The following FIBCD1 variants were observed in gnomAD, a reference collection of about 807,000 sequenced individuals.
The protein encoded by FIBCD1 is fibrinogen C domain-containing protein 1.
FIBCD1 carries 47 observed loss-of-function variants against 45.1 expected under a neutral mutation model. The ratio of observed to expected loss-of-function variants is 1.04; its 90% confidence interval spans 0.82 to 1.33. The LOEUF (loss-of-function observed/expected upper bound fraction) is 1.33, where lower values mean the gene tolerates loss of function less well. Ranked by LOEUF, FIBCD1 falls within the 40% of genes most tolerant of loss-of-function variation. The probability of loss-of-function intolerance (pLI) is 0.00; values close to 1 mark genes in which losing one functional copy is unlikely to be tolerated. For synonymous variants in FIBCD1, 313 were observed against 308.1 expected (o/e 1.02, Z -0.17); for missense variants, 653 against 682.2 (o/e 0.96, Z 0.48).
chr9:130,904,244 G>T lies in FIBCD1; in HGVS notation c.1206C>A (p.Ala402=). 1 of 1,613,752 alleles carries T rather than the reference G, an allele frequency of 6.2e-7. No individual in the cohort carries two copies. Among genetic ancestry groups the T allele is most frequent in the Non-Finnish European group, 8.5e-7 (1 of 1,180,000 alleles). ...ACCACCAGGCACCGCGGTAGAAGGC[G>T]GCACAGTTGTTCTCTGAATGGTCGC... ...RDSDHSENNC[A]AFYRGAWWYR... is the part of the protein sequence containing the mutation. The change falls in exon 7 of 7, where the codon GCC becomes GCA. Residue 402 remains alanine (A), a synonymous_variant. Coordinates refer to ENST00000372338, the MANE Select transcript of FIBCD1 (RefSeq NM_032843.5).
In FIBCD1 at chr9:130,910,513, C is replaced by T. The variant is rs567294864; in HGVS notation, c.946+1279G>A. On this transcript the variant is annotated intron_variant, in intron 5 of 6. Coordinates refer to ENST00000372338, the MANE Select transcript of FIBCD1 (RefSeq NM_032843.5). ...CCAAGGGCTGAGGAGTGCAGGCACA[C>T]GGCGCGGGACTGGCAGGCAGCTCCA... is the stretch of plus-strand genomic sequence containing the variant. Among the ~76,000 whole-genome samples, 8 of 152,360 alleles carry T rather than the reference C, an allele frequency of 5.3e-5. No individual in the cohort carries two copies. In the East Asian group the frequency reaches 1.2e-3, roughly 22 times the overall value.
Position 130,903,506 on chromosome 9 carries a change from G to GC in FIBCD1, c.*557dup, listed in dbSNP as rs1332394130. On this transcript the variant is annotated 3_prime_UTR_variant, in exon 7 of 7. Transcript: ENST00000372338. ...GGGCCTGGTAGGATGGGGCCACCCA[G>GC]CCCACAGCCAGGCTGAGGCCCTTGG... The GC allele has an allele frequency of 1.1e-5, 2 of 189,982 alleles. No homozygotes were observed. Among genetic ancestry groups the GC allele is most frequent in the African/African-American group, 2.3e-5 (1 of 42,702 alleles). The allele number at this position is 189,982 out of a possible 1,614,324, so 11.8% of individuals were successfully genotyped here.
In FIBCD1 at chr9:130,929,866, C is replaced by G. The variant is rs974525199; in HGVS notation, c.253G>C (p.Ala85Pro). ...AGGATGCTGAGGTGCGAGCTGTCCG[C>G]CCTTTCCACAGTGACCAGGGCGCTG... ...ANSALVTVERADSSHLSILID... is the reference protein window; with the variant it reads ...ANSALVTVERPDSSHLSILID... The change falls in exon 2 of 7, where the codon GCG (alanine) becomes CCG (proline). Residue 85 changes from alanine (A) to proline (P), a missense_variant. By Grantham distance (27) the Ala-to-Pro change is conservative. Coordinates refer to ENST00000372338, the MANE Select transcript of FIBCD1 (RefSeq NM_032843.5). 6.5e-7 allele frequency: 1 copy of G among 1,549,740 alleles called. No individual in the cohort carries two copies. Among genetic ancestry groups the G allele is most frequent in the South Asian group, 1.2e-5 (1 of 84,054 alleles).
At chr9:130,925,583 T>G (rs2133109737) in intron 2 of FIBCD1, among the ~76,000 whole-genome samples, 1 of 152,312 alleles carries the variant, frequency 6.6e-6, no homozygotes, top group Middle Eastern at 3.4e-3. Flanking sequence ...GAGCCTGGGC[T>G]GGGGAGCTCA....
rs1832362411 is a variant in FIBCD1 at position 130,926,530 on chromosome 9, G to A, written c.553-2134C>T. ...CTCAGTCTGCCTCTCCATAAAATGGGATAACAAGGCCGGGTGTGGTGGCTC... is the reference window on the plus strand; with the variant it reads ...CTCAGTCTGCCTCTCCATAAAATGGAATAACAAGGCCGGGTGTGGTGGCTC... On this transcript the variant is annotated intron_variant, in intron 2 of 6. Coordinates refer to ENST00000372338, the MANE Select transcript of FIBCD1 (RefSeq NM_032843.5). The surrounding 1 kb of genome is among the most constrained non-coding windows in gnomAD (Gnocchi z 4.1). Among the ~76,000 whole-genome samples the A allele has an allele frequency of 6.6e-6, 1 of 152,160 alleles. No individual in the cohort carries two copies. The highest frequency in any genetic ancestry group is 1.5e-5 in the Non-Finnish European group (1 of 68,028).
chr9:130,915,683 T>C (rs1181621911), intron 4 of FIBCD1, among the ~76,000 whole-genome samples: 1 of 152,034 alleles, frequency 6.6e-6, no homozygotes, highest in African/African-American at 2.4e-5. Context: ...ACCTGAGTGA[T>C]AAGAGCGAGA....
At chr9:130,933,534 G>T (rs1832471994) in intron 1 of FIBCD1, among the ~76,000 whole-genome samples, 1 of 152,218 alleles carries the variant, frequency 6.6e-6, no homozygotes. Context: ...ACCCAGCTTG[G>T]TTCCTCGAGT....
At chr9:130,932,283 G>A (rs188738368) in intron 1 of FIBCD1, among the ~76,000 whole-genome samples, 4 of 152,306 alleles carry the variant, frequency 2.6e-5, no homozygotes, top group East Asian at 3.9e-4. Context: ...CGAAGAGGAC[G>A]GGGTGGAGGG....
At chr9:130,911,701 A>AT (rs1334261913) in intron 5 of FIBCD1, 91 bp downstream of exon 5, 1 of 1,221,004 alleles carries the variant, frequency 8.2e-7, no homozygotes, top group African/African-American at 1.5e-5. Flanking sequence ...AACCCAGCCC[A>AT]AACCCATTCA....
At chr9:130,909,946 T>TG (rs1319777711) in intron 5 of FIBCD1, among the ~76,000 whole-genome samples, 1 of 152,034 alleles carries the variant, frequency 6.6e-6, no homozygotes, top group East Asian at 1.9e-4. Context: ...TGGTGAGAGG[T>TG]GACAGCGTGC....
rs1018039603 is a variant in FIBCD1 at position 130,909,989 on chromosome 9, C to G, written c.946+1803G>C. 5.3e-5 allele frequency among the ~76,000 whole-genome samples: 8 copies of G among 152,350 alleles called. No individual in the cohort carries two copies. The East Asian group carries it at 1.2e-3, about 22-fold the overall frequency. ...CCTCACAGCCCTCCCTCGCTCTCGG[C>G]GCCTCCTCTGCGTGGGCTCCCACTT... On this transcript the variant is annotated intron_variant, in intron 5 of 6. Transcript: ENST00000372338.
intron 5 of FIBCD1, among the ~76,000 whole-genome samples, chr9:130,909,866 CCAGG>C (rs1832004087): frequency 6.6e-6 from 1 of 152,076 alleles, no homozygotes; most frequent in Non-Finnish European, 1.5e-5. Context: ...CTACTTTGTG[CCAGG>C]CAGGGACTGT....
chr9:130,940,183 G>A (rs1014714159), upstream of FIBCD1, among the ~76,000 whole-genome samples: 4 of 152,224 alleles, frequency 2.6e-5, no homozygotes, highest in African/African-American at 9.6e-5. Flanking sequence ...CAGACTGGTT[G>A]GGGGTGGGGG....
chr9:130,939,534 C>A (rs1423685557), upstream of FIBCD1, among the ~76,000 whole-genome samples: 1 of 151,860 alleles, frequency 6.6e-6, no homozygotes, highest in Non-Finnish European at 1.5e-5. Context: ...CTCGCGCCCG[C>A]GGTCGGAAAG....
At chr9:130,935,659 G>A (rs898994946) in intron 1 of FIBCD1, among the ~76,000 whole-genome samples, 3 of 152,214 alleles carry the variant, frequency 2.0e-5, no homozygotes, top group Non-Finnish European at 2.9e-5. Context: ...CACACAGCCT[G>A]GACACTGCAG....
Position 130,938,697 on chromosome 9 carries a change from G to A in FIBCD1, c.-90C>T, listed in dbSNP as rs1832562371. 8 of 852,712 alleles carry A rather than the reference G, an allele frequency of 9.4e-6. No homozygotes were observed. Among genetic ancestry groups the A allele is most frequent in the Non-Finnish European group, 1.2e-5 (8 of 667,088 alleles). 52.8% of individuals were successfully genotyped at this position (852,712 alleles called of 1,614,324 possible). A position where few individuals can be genotyped will look rare whatever the true frequency, so the allele number is the denominator to read the frequency against. On this transcript the variant is annotated 5_prime_UTR_variant, in exon 1 of 7. Coordinates refer to ENST00000372338, the MANE Select transcript of FIBCD1 (RefSeq NM_032843.5). The stretch of plus-strand genomic sequence containing the variant: ...GTGGGCGCGGGCGCGGGCGCGGGGC[G>A]CGCTCTGTCCGCCGGGTCCCCGCCT...
In FIBCD1 at chr9:130,923,697, CG is replaced by C. The variant is rs1257963556; in HGVS notation, c.849+46del. On this transcript the variant is annotated intron_variant, in intron 4 of 6. Coordinates refer to ENST00000372338, the MANE Select transcript of FIBCD1 (RefSeq NM_032843.5). ...GCCCGGGTTCAGGTACACAGCCTCA[CG>C]GTCCCCGGTGCCTGCCCTGCCGCCC... The C allele has an allele frequency of 2.5e-6, 4 of 1,599,460 alleles. No individual in the cohort carries two copies. The African/African-American group carries it at 4.0e-5, about 16-fold the overall frequency.
In FIBCD1 at chr9:130,904,145, C is replaced by T. The variant is rs986228672; in HGVS notation, c.1305G>A (p.Val435=). 5.6e-6 allele frequency: 9 copies of T among 1,613,402 alleles called. No individual in the cohort carries two copies. The highest frequency in any genetic ancestry group is 5.0e-5 in the Admixed American group (3 of 60,010). The part of the protein sequence containing the change: ...RGAHASYADG[V]EWSSWTGWQY... ...GCCAGCCGGTCCAGGAGGACCACTC[C>T]ACGCCGTCGGCATAGGAGGCGTGCG... The change falls in exon 7 of 7, where the codon GTG becomes GTA. Residue 435 remains valine (V), a synonymous_variant. Coordinates refer to ENST00000372338, the MANE Select transcript of FIBCD1 (RefSeq NM_032843.5).
At chr9:130,914,251 C>T (rs1832117367) in intron 4 of FIBCD1, among the ~76,000 whole-genome samples, 1 of 152,220 alleles carries the variant, frequency 6.6e-6, no homozygotes, top group Non-Finnish European at 1.5e-5. Context: ...CTGTCCCAGC[C>T]TCTCATTCAC....
Sources: allele counts gnomAD v4.1 joint callset (sites outside exome capture counted in the v4.1 genomes callset), GRCh38; gene constraint gnomAD v4.1.1; non-coding constraint Gnocchi (gnomAD v3.1); transcripts MANE v1.5; gene names NCBI Gene and HGNC (gene_info 2026-07-23, HGNC 2026-07-21).